LSAMP: variants seen among roughly 807,000 people sequenced by gnomAD.
The protein encoded by LSAMP is limbic system associated membrane protein, also known as limbic system-associated membrane protein.
A neutral mutation model predicts 38.6 loss-of-function variants in LSAMP; 7 were observed. The ratio of observed to expected loss-of-function variants is 0.18; its 90% CI spans 0.10 to 0.34. The LOEUF (loss-of-function observed/expected upper bound fraction) is 0.34, where lower values mean the gene tolerates loss of function less well. Among genes scored for constraint, LSAMP ranks in the 10% least tolerant of loss-of-function variants. The pLI is 1.00. For synonymous variants in LSAMP, 154 were observed against 166.8 expected (o/e 0.92, Z 0.59); for missense variants, 313 against 420.0 (o/e 0.75, Z 2.23).
At chr3:116,145,328 A>G (rs1309968742) in intron 1 of LSAMP, among the ~76,000 whole-genome samples, 1 of 151,896 alleles carries the variant, frequency 6.6e-6, no homozygotes. Flanking sequence ...ATATTTATAT[A>G]TGGAAAGAGA....
chr3:116,175,615 A>C (rs1008326553), intron 1 of LSAMP, among the ~76,000 whole-genome samples: 6 of 152,064 alleles, frequency 3.9e-5, no homozygotes, highest in Non-Finnish European at 8.8e-5. Context: ...AGAGGTGTAC[A>C]CCCAAGGAAA....
At chr3:116,248,691 C>G (rs1432647956) in intron 1 of LSAMP, among the ~76,000 whole-genome samples, 1 of 152,084 alleles carries the variant, frequency 6.6e-6, no homozygotes, top group Non-Finnish European at 1.5e-5. Flanking sequence ...AACATTTTGG[C>G]CTTCATCTCT....
At chr3:116,385,724 C>G (rs1405584645) in intron 1 of LSAMP, among the ~76,000 whole-genome samples, 1 of 152,098 alleles carries the variant, frequency 6.6e-6, no homozygotes, top group East Asian at 1.9e-4. Flanking sequence ...AAATATCTAT[C>G]TGTCTAGTTA....
intron 1 of LSAMP, among the ~76,000 whole-genome samples, chr3:116,362,768 C>A (rs2048307089): frequency 9.9e-6 from 1 of 101,158 alleles, no homozygotes; most frequent in Admixed American, 9.8e-5. Context: ...CTACTGGGTA[C>A]ATAACGAAAT....
At chr3:116,176,488 G>A (rs1710344398) in intron 1 of LSAMP, among the ~76,000 whole-genome samples, 3 of 152,138 alleles carry the variant, frequency 2.0e-5, no homozygotes, top group Non-Finnish European at 2.9e-5. Flanking sequence ...TGTCAAAGTA[G>A]TGAAAGGATG....
intron 1 of LSAMP, among the ~76,000 whole-genome samples, chr3:116,229,050 CAATT>C (rs1397501833): frequency 2.6e-5 from 4 of 152,018 alleles, no homozygotes; most frequent in African/African-American, 7.2e-5. Flanking sequence ...ACAAAGTCAG[CAATT>C]AATTTTCTTT....
intron 1 of LSAMP, among the ~76,000 whole-genome samples, chr3:116,440,122 TC>T (rs1450571033): frequency 6.6e-6 from 1 of 152,156 alleles, no homozygotes; most frequent in Non-Finnish European, 1.5e-5. Flanking sequence ...AGAGCCCAGA[TC>T]TTCTGAGTCG....
In LSAMP at chr3:116,291,525, G is replaced by A. The variant is rs149507382; in HGVS notation, c.155+153352C>T. Among the ~76,000 whole-genome samples, 3 of 152,284 alleles carry A rather than the reference G, an allele frequency of 2.0e-5. No individual in the cohort carries two copies. The East Asian group carries it at 5.8e-4, about 29-fold the overall frequency. On this transcript the variant is annotated intron_variant, in intron 1 of 6. Coordinates refer to ENST00000490035, the MANE Select transcript of LSAMP (RefSeq NM_002338.5). ...CAATTTCTCATATTCTATGAGACCA[G>A]GATAGATGTTTTGTTCTAATTATTA... is the stretch of plus-strand genomic sequence containing the variant.
chr3:116,189,144 T>C, intron 1 of LSAMP, among the ~76,000 whole-genome samples: 1 of 151,838 alleles, frequency 6.6e-6, no homozygotes, highest in East Asian at 1.9e-4. Context: ...GAACAAAAAG[T>C]GGATAAAGAT....
chr3:116,104,376 G>A (rs1708415020), intron 1 of LSAMP, among the ~76,000 whole-genome samples: 1 of 150,924 alleles, frequency 6.6e-6, no homozygotes, highest in Admixed American at 6.6e-5. Flanking sequence ...GTTGTTAGAT[G>A]CAACCCTGCC....
chr3:116,207,580 G>A (rs2046088353), intron 1 of LSAMP, among the ~76,000 whole-genome samples: 1 of 151,648 alleles, frequency 6.6e-6, no homozygotes, highest in Non-Finnish European at 1.5e-5. Context: ...TCCTTCAGGA[G>A]CTCTTTTAGG....
intron 1 of LSAMP, among the ~76,000 whole-genome samples, chr3:116,177,816 T>A (rs1043857231): frequency 6.6e-6 from 1 of 152,142 alleles, no homozygotes; most frequent in African/African-American, 2.4e-5. Flanking sequence ...GGGAATCACA[T>A]CCTAGTTATT....
intron 2 of LSAMP, among the ~76,000 whole-genome samples, chr3:116,041,796 CAAA>C: frequency 1.8e-5 from 1 of 57,112 alleles, no homozygotes; most frequent in Admixed American, 2.1e-4. Context: ...TGAAAGCATG[CAAA>C]AAAAAACAAA....
rs1365316340 is a variant in LSAMP, at chr3:116,328,310, C to G, written c.155+116567G>C. 2.0e-5 allele frequency among the ~76,000 whole-genome samples: 3 copies of G among 152,148 alleles called. No individual in the cohort carries two copies. The East Asian group carries it at 5.8e-4, about 29-fold the overall frequency. On this transcript the variant is annotated intron_variant, in intron 1 of 6. Coordinates refer to ENST00000490035, the MANE Select transcript of LSAMP (RefSeq NM_002338.5). ...AAAGAGCTCTCTTGCAAGCCTGACA[C>G]TGATGATGGGAAATTAGAATCGAAA...
intron 1 of LSAMP, among the ~76,000 whole-genome samples, chr3:116,171,202 T>A (rs570569295): frequency 6.6e-6 from 1 of 152,302 alleles, no homozygotes; most frequent in Admixed American, 6.5e-5. Context: ...AATCATGTGC[T>A]TAGAACAGTA....
At chr3:116,341,063 T>C (rs2047988307) in intron 1 of LSAMP, among the ~76,000 whole-genome samples, 1 of 152,050 alleles carries the variant, frequency 6.6e-6, no homozygotes, top group Non-Finnish European at 1.5e-5. Flanking sequence ...GGCTTCCATA[T>C]AGCTAAGGTA....
rs992354337 is a variant in LSAMP, at chr3:115,808,225, A to T, written c.*2092T>A. Reference sequence around the variant, plus strand: ...CTTTCCTTTCTTTTTTTCCAGTTACAAAGTTTCTCATTTTATAACATGGAA... The same window carrying T: ...CTTTCCTTTCTTTTTTTCCAGTTACTAAGTTTCTCATTTTATAACATGGAA... On this transcript the variant is annotated 3_prime_UTR_variant, in exon 7 of 7. Coordinates refer to ENST00000490035, the MANE Select transcript of LSAMP (RefSeq NM_002338.5). 9 of 146,414 alleles carry T rather than the reference A, an allele frequency of 6.1e-5. No homozygotes were observed. The highest frequency in any genetic ancestry group is 2.3e-4 in the African/African-American group (9 of 39,460). 9.1% of individuals were successfully genotyped at this position (146,414 alleles called of 1,614,324 possible).
intron 1 of LSAMP, among the ~76,000 whole-genome samples, chr3:116,096,863 C>T (rs574798567): frequency 1.8e-4 from 27 of 152,288 alleles, no homozygotes; most frequent in African/African-American, 5.5e-4. Flanking sequence ...GGCAATTATA[C>T]GCTCACTAAA....
chr3:115,928,188 A>G (rs1937522045), intron 3 of LSAMP, among the ~76,000 whole-genome samples: 1 of 151,794 alleles, frequency 6.6e-6, no homozygotes, highest in South Asian at 2.1e-4. Context: ...AATTCAAATG[A>G]AAAAACCTGG....
Sources: allele counts gnomAD v4.1 joint callset (sites outside exome capture counted in the v4.1 genomes callset), GRCh38; gene constraint gnomAD v4.1.1; transcripts MANE v1.5; gene names NCBI Gene and HGNC (gene_info 2026-07-23, HGNC 2026-07-21).